Variants in GIGYF1 observed in about 807,000 individuals in gnomAD.
The protein encoded by GIGYF1 is GRB10-interacting GYF protein 1.
A neutral mutation model predicts 147.1 loss-of-function variants in GIGYF1; 84 were observed. The observed-to-expected ratio is 0.57, with a 90% CI of 0.48 to 0.68. GIGYF1 has a LOEUF of 0.68. GIGYF1 is among the 30% of genes least tolerant of loss of function. The pLI, the probability that GIGYF1 is intolerant of heterozygous loss-of-function variation, is 0.00. For synonymous variants in GIGYF1, 752 were observed against 589.5 expected (o/e 1.28, Z -3.99); for missense variants, 1,485 against 1,393.7 (o/e 1.07, Z -1.04).
Position 100,687,999 on chromosome 7 carries a change from G to A in GIGYF1, c.147C>T (p.Leu49=), listed in dbSNP as rs746091661. ...YRYGREEMLA[L]YVKENKVPEE... ...CACCCACCTTGTTCTCCTTGACGTA[G>A]AGAGCCAGCATTTCCTCTCGCCCAT... The change falls in exon 5 of 27, where the codon CTC becomes CTT. Residue 49 remains leucine (L), a synonymous_variant. Transcript: ENST00000678049. The A allele has an allele frequency of 5.0e-6, 8 of 1,612,884 alleles. No individual in the cohort carries two copies. Among genetic ancestry groups the A allele is most frequent in the Non-Finnish European group, 4.2e-6 (5 of 1,179,272 alleles).
intron 1 of GIGYF1, chr7:100,693,812 G>A (rs1415613083): frequency 1.3e-5 from 2 of 151,736 alleles, no homozygotes; most frequent in Non-Finnish European, 2.9e-5. Flanking sequence ...GGTGCGAGGG[G>A]GGCGAGCGGT....
chr7:100,681,621 T>TC lies in GIGYF1; in HGVS notation c.*97dup. The stretch of plus-strand genomic sequence containing the variant: ...TGCTGGGGACCCCGCCCCTGCCTCT[T>TC]CCTGTGCTCTCTGCGGGGAGCCTGC... On this transcript the variant is annotated 3_prime_UTR_variant, in exon 27 of 27. Transcript: ENST00000678049. 8.4e-7 allele frequency: 1 copy of TC among 1,196,696 alleles called. No individual in the cohort carries two copies. The highest frequency in any genetic ancestry group is 1.6e-5 in the South Asian group (1 of 61,808). 74.1% of individuals were successfully genotyped at this position (1,196,696 alleles called of 1,614,324 possible).
rs1805098199 is a variant in GIGYF1 at position 100,684,233 on chromosome 7, A to G, written c.1730+4T>C. 2.5e-6 allele frequency: 4 copies of G among 1,579,676 alleles called. No individual in the cohort carries two copies. Among genetic ancestry groups the G allele is most frequent in the Non-Finnish European group, 3.4e-6 (4 of 1,160,266 alleles). ...TCTCCCAGCCCACCCCAGGCCCCCC[A>G]TACCTGCTGACCAGCTGGAGAAACT... On this transcript the variant is annotated splice_donor_region_variant and intron_variant, in intron 17 of 26. Transcript: ENST00000678049.
At chr7:100,682,891 T>C (rs1201873309) in intron 22 of GIGYF1, 114 bp from the exon 23 acceptor site, 21 of 1,284,858 alleles carry the variant, frequency 1.6e-5, no homozygotes, top group Non-Finnish European at 2.0e-5. Flanking sequence ...ACAAGAGCTG[T>C]TGCCATCACA....
chr7:100,685,965 G>A lies in GIGYF1; in HGVS notation c.1054+9C>T, dbSNP rs559874289. On this transcript the variant is annotated intron_variant, in intron 12 of 26. Coordinates refer to ENST00000678049, the MANE Select transcript of GIGYF1 (RefSeq NM_001375765.1). ...CAGCCCCAGGCCCGCTGGGCACCCC[G>A]CGGCTCACCTGCCTCAGGCCCTTCC... is the stretch of plus-strand genomic sequence containing the variant. 45 of 1,610,254 alleles carry A rather than the reference G, an allele frequency of 2.8e-5. No homozygotes were observed. Among genetic ancestry groups the A allele is most frequent in the Non-Finnish European group, 3.6e-5 (42 of 1,178,958 alleles).
At chr7:100,686,569 C>T (rs1310421048) in intron 10 of GIGYF1, 80 bp downstream of exon 10, 9 of 1,533,508 alleles carry the variant, frequency 5.9e-6, no homozygotes, top group South Asian at 3.7e-5. Flanking sequence ...GCTCCCTCCC[C>T]GTGGCTACAG....
At position 100,682,685 on chromosome 7, in the gene GIGYF1, G is replaced by A; in HGVS notation, c.2505C>T (p.Ser835=). 6.2e-7 allele frequency: 1 copy of A among 1,600,370 alleles called. No individual in the cohort carries two copies. The highest frequency in any genetic ancestry group is 1.1e-5 in the South Asian group (1 of 89,566). Residue 835 remains serine, a synonymous_variant, in exon 23 of 27, where the codon AGC becomes AGT. Transcript: ENST00000678049. The stretch of plus-strand genomic sequence containing the variant: ...TGTCCTCCCAGAGCCCCAGGCCGCT[G>A]CTGCCGCCCCCACTCTTGTCTGGCC... ...WGGPDKSGGG[S]SGLGLWEDTP...
rs541845398 is a variant in GIGYF1 at position 100,687,550 on chromosome 7, G to T, written c.328C>A (p.Pro110Thr). 11 of 1,612,704 alleles carry T rather than the reference G, an allele frequency of 6.8e-6. No individual in the cohort carries two copies. Among genetic ancestry groups the T allele is most frequent in the East Asian group, 6.7e-5 (3 of 44,878 alleles). Residue 110 changes from proline (P) to threonine (T), a missense_variant, in exon 7 of 27, where the codon CCC becomes ACC. Transcript: ENST00000678049. ...CTGCCTCGGGAGGTGCCAGCCAGGG[G>T]GGGGCCAGCCCCTTTCCCCATCAGC... Reference protein sequence around the residue: ...LRLMGKGAGPPLAGTSRGRGS... With the variant: ...LRLMGKGAGPTLAGTSRGRGS...
Position 100,689,050 on chromosome 7 carries a change from A to G in GIGYF1, c.-593T>C, listed in dbSNP as rs1425213399. 6.5e-6 allele frequency: 1 copy of G among 152,698 alleles called. No individual in the cohort carries two copies. Among genetic ancestry groups the G allele is most frequent in the Non-Finnish European group, 1.5e-5 (1 of 68,346 alleles). The allele number at this position is 152,698 out of a possible 1,614,324, so 9.5% of individuals were successfully genotyped here. On this transcript the variant is annotated 5_prime_UTR_variant, in exon 2 of 27. An upstream start codon of the reference 5' UTR is lost. Coordinates refer to ENST00000678049, the MANE Select transcript of GIGYF1 (RefSeq NM_001375765.1). ...ATCTAGGAGCAAAATTCTTTCCCTC[A>G]TGAAAAAAATCAGTTGGCTGCTCAG...
Position 100,679,712 on chromosome 7 carries a change from A to T in GIGYF1, c.*2007T>A, listed in dbSNP as rs1307837574. 1 of 152,782 alleles carries T rather than the reference A, an allele frequency of 6.5e-6. No individual in the cohort carries two copies. The highest frequency in any genetic ancestry group is 1.5e-5 in the Non-Finnish European group (1 of 68,274). The allele number at this position is 152,782 out of a possible 1,614,324, so 9.5% of individuals were successfully genotyped here. A position where few individuals can be genotyped will look rare whatever the true frequency, so the allele number is the denominator to read the frequency against. On this transcript the variant is annotated 3_prime_UTR_variant, in exon 27 of 27. Transcript: ENST00000678049. Reference sequence around the variant, plus strand: ...AGGAAGACCGGGGCCGGGGAAGGACAGCAACAGGGTCTGAGTCCCTGGGCA... The same window carrying T: ...AGGAAGACCGGGGCCGGGGAAGGACTGCAACAGGGTCTGAGTCCCTGGGCA...
At chr7:100,691,669 T>C (rs115021037) in intron 1 of GIGYF1, among the ~76,000 whole-genome samples, 3,118 of 151,802 alleles carry the variant, frequency 0.021, 128 homozygotes, top group African/African-American at 0.072. Context: ...CAGCTCAGGG[T>C]CTCCTTCTCA....
chr7:100,683,911 C>G lies in GIGYF1; in HGVS notation c.1876G>C (p.Asp626His), dbSNP rs1258565441. The change falls in exon 19 of 27, where the codon GAC becomes CAC. Residue 626 changes from aspartate (D) to histidine (H), a missense_variant. By Grantham distance (81) the Asp-to-His change is moderately conservative. Coordinates refer to ENST00000678049, the MANE Select transcript of GIGYF1 (RefSeq NM_001375765.1). ...CTCATCGTCGGGAGCAGGTTCTGGTCCCCGCCTCTGAGGAGCAAATTGTGG... is the reference window on the plus strand; with the variant it reads ...CTCATCGTCGGGAGCAGGTTCTGGTGCCCGCCTCTGAGGAGCAAATTGTGG... ...LQALKPPRGGDQNLLPTMSRS... is the reference protein window; with the variant it reads ...LQALKPPRGGHQNLLPTMSRS... 1 of 1,555,090 alleles carries G rather than the reference C, an allele frequency of 6.4e-7. No homozygotes were observed. The highest frequency in any genetic ancestry group is 8.7e-7 in the Non-Finnish European group (1 of 1,149,234).
Position 100,681,584 on chromosome 7 carries a change from GT to G in GIGYF1, c.*134del. On this transcript the variant is annotated 3_prime_UTR_variant, in exon 27 of 27. Transcript: ENST00000678049. The stretch of plus-strand genomic sequence containing the variant: ...GTGGGTGAGTTAAGGTGCATCGTGT[GT>G]TTGTAACAAGTGCTGGGGACCCCGC... The G allele has an allele frequency of 1.5e-6, 1 of 665,030 alleles. No homozygotes were observed. The allele number at this position is 665,030 out of a possible 1,614,324, so 41.2% of individuals were successfully genotyped here.
rs753259209 is a variant in GIGYF1, at chr7:100,683,230, C to T, written c.2194G>A (p.Val732Met). The change falls in exon 22 of 27, where the codon GTG becomes ATG. Residue 732 changes from valine (V) to methionine (M), a missense_variant and splice_region_variant. Val to Met is a conservative substitution (Grantham distance 21, BLOSUM62 1). Coordinates refer to ENST00000678049, the MANE Select transcript of GIGYF1 (RefSeq NM_001375765.1). ...TTCAGCAATAGCTCCTGCTGCCGCA[C>T]CTAAGAGGGGGACATGGTGAGGGGA... is the stretch of plus-strand genomic sequence containing the variant. ...EEEELFRRKH[V>M]RQQELLLKLL... is the part of the protein sequence containing the mutation. The T allele has an allele frequency of 1.7e-5, 28 of 1,612,226 alleles. No homozygotes were observed. The highest frequency in any genetic ancestry group is 1.3e-4 in the Admixed American group (8 of 59,990).
intron 1 of GIGYF1, among the ~76,000 whole-genome samples, chr7:100,692,564 CCTCTA>C (rs1488187902): frequency 6.6e-6 from 1 of 152,238 alleles, no homozygotes; most frequent in African/African-American, 2.4e-5. Context: ...CATCTTCTCT[CCTCTA>C]AAGTGGGCTA....
In GIGYF1 at chr7:100,683,412, C is replaced by A; in HGVS notation, c.2085G>T (p.Ala695=). ...FQERREVELR[A]KREEEERKRR... is the part of the protein sequence containing the mutation. ...GCTTGCGTTCCTCTTCCTCCCGCTT[C>A]GCCCTGAGCTCCACTTCTCTGCGCT... Residue 695 remains alanine, a synonymous_variant, in exon 21 of 27, where the codon GCG becomes GCT. Transcript: ENST00000678049. 1 of 1,613,898 alleles carries A rather than the reference C, an allele frequency of 6.2e-7. No homozygotes were observed. Among genetic ancestry groups the A allele is most frequent in the Non-Finnish European group, 8.5e-7 (1 of 1,180,024 alleles).
Position 100,680,207 on chromosome 7 carries a change from C to A in GIGYF1, c.*1512G>T, listed in dbSNP as rs1167669767. On this transcript the variant is annotated 3_prime_UTR_variant, in exon 27 of 27. Transcript: ENST00000678049. ...AAAAAAAAATCCAACAACAGAAAAC[C>A]AAACACCATCTTTCTGGGACTAGAT... 7.0e-5 allele frequency: 10 copies of A among 141,928 alleles called. No individual in the cohort carries two copies. The highest frequency in any genetic ancestry group is 2.4e-4 in the African/African-American group (9 of 37,846). The allele number at this position is 141,928 out of a possible 1,614,324, so 8.8% of individuals were successfully genotyped here. A position where few individuals can be genotyped will look rare whatever the true frequency, so the allele number is the denominator to read the frequency against.
At position 100,686,364 on chromosome 7, in the gene GIGYF1, C is replaced by T. The variant is rs141450038; in HGVS notation, c.764G>A (p.Arg255Gln). Residue 255 changes from arginine (R) to glutamine (Q), a missense_variant, in exon 11 of 27, where the codon CGA becomes CAA. Physicochemically the swap from Arg to Gln is conservative, Grantham distance 43. Transcript: ENST00000678049. ...ERRRKFEFDL[R>Q]GDRGGCGEEE... ...TTCACCACACCCTCCTCGATCCCCT[C>T]GCAAATCAAATTCAAACTTGCGCCG... The T allele has an allele frequency of 3.4e-5, 55 of 1,612,662 alleles. No individual in the cohort carries two copies. Among genetic ancestry groups the T allele is most frequent in the East Asian group, 4.5e-5 (2 of 44,874 alleles).
In GIGYF1 at chr7:100,684,480, A is replaced by G; in HGVS notation, c.1599T>C (p.Phe533=). 6.2e-7 allele frequency: 1 copy of G among 1,613,356 alleles called. No individual in the cohort carries two copies. Among genetic ancestry groups the G allele is most frequent in the South Asian group, 1.1e-5 (1 of 91,074 alleles). Residue 533 remains phenylalanine, a synonymous_variant, in exon 16 of 27, where the codon TTT becomes TTC. Transcript: ENST00000678049. The part of the protein sequence containing the change: ...EVIKMWGRVP[F]APGPSPPPLL... ...GTGGGGGAGGTGAGGGCCCTGGGGCAAAGGGCACGCGGCCCCACATCTTGA... is the reference window on the plus strand; with the variant it reads ...GTGGGGGAGGTGAGGGCCCTGGGGCGAAGGGCACGCGGCCCCACATCTTGA...
Sources: gnomAD v4.1 joint callset for allele counts (sites outside exome capture counted in the v4.1 genomes callset) on GRCh38, gnomAD v4.1.1 for gene constraint, MANE v1.5 for transcripts, NCBI Gene and HGNC (gene_info 2026-07-23, HGNC 2026-07-21) for gene names.